SEMA4D: variants seen among roughly 807,000 people sequenced by gnomAD.
SEMA4D encodes the protein semaphorin-4D.
A neutral mutation model predicts 74.8 loss-of-function variants in SEMA4D; 22 were observed. The ratio of observed to expected loss-of-function variants is 0.29; its 90% confidence interval spans 0.21 to 0.42. SEMA4D has a LOEUF of 0.42. Ranked by LOEUF, SEMA4D falls within the 10% of genes least tolerant of loss-of-function variation. SEMA4D has a pLI of 1.00. For synonymous variants in SEMA4D, 445 were observed against 463.7 expected (o/e 0.96, Z 0.52); for missense variants, 937 against 1,118.4 (o/e 0.84, Z 2.31).
At chr9:89,438,833 T>G (rs75023792) in intron 2 of SEMA4D, among the ~76,000 whole-genome samples, 2 of 146,502 alleles carry the variant, frequency 1.4e-5, no homozygotes, top group Non-Finnish European at 3.0e-5. Flanking sequence ...GCCCGGCTAA[T>G]TTTTTGTATT....
rs1318526471 is a variant in SEMA4D at position 89,364,328 on chromosome 9, T to G, written c.1883-378A>C. ...GCCACACACATGTCCTGTGACCACATGGACAGAGACATCCCAAGGCTCTGC... is the reference window on the plus strand; with the variant it reads ...GCCACACACATGTCCTGTGACCACAGGGACAGAGACATCCCAAGGCTCTGC... On this transcript the variant is annotated intron_variant, in intron 16 of 18. Transcript: ENST00000339861. The G allele has an allele frequency of 1.2e-5, 4 of 336,978 alleles. No homozygotes were observed. In the East Asian group the frequency reaches 2.2e-4, roughly 18 times the overall value. 20.9% of individuals were successfully genotyped at this position (336,978 alleles called of 1,614,324 possible). A position where few individuals can be genotyped will look rare whatever the true frequency, so the allele number is the denominator to read the frequency against.
intron 9 of SEMA4D, among the ~76,000 whole-genome samples, chr9:89,390,126 C>A (rs1032582176): frequency 6.6e-6 from 1 of 152,220 alleles, no homozygotes; most frequent in Non-Finnish European, 1.5e-5. Context: ...ACCCTCAGTG[C>A]TGGGTAATAA....
chr9:89,450,163 C>G, intron 2 of SEMA4D: 2 of 1,260,390 alleles, frequency 1.6e-6, no homozygotes, highest in Non-Finnish European at 2.3e-6. Flanking sequence ...AAAACCATTA[C>G]CCAGATTCCC....
At chr9:89,417,833 C>A (rs1846048991) in intron 2 of SEMA4D, among the ~76,000 whole-genome samples, 2 of 152,196 alleles carry the variant, frequency 1.3e-5, no homozygotes, top group South Asian at 4.1e-4. Flanking sequence ...CTGGGACAAG[C>A]AGTGGCAGAG....
intron 11 of SEMA4D, among the ~76,000 whole-genome samples, chr9:89,388,081 T>C (rs1310708657): frequency 1.3e-5 from 2 of 152,168 alleles, no homozygotes; most frequent in African/African-American, 2.4e-5. Flanking sequence ...AAGCTATGCA[T>C]AGAAGGAGCC....
intron 2 of SEMA4D, among the ~76,000 whole-genome samples, chr9:89,413,957 G>A (rs1288298325): frequency 6.6e-6 from 1 of 152,242 alleles, no homozygotes; most frequent in Non-Finnish European, 1.5e-5. Context: ...CATACATTCT[G>A]ATCTAGTGTT....
intron 1 of SEMA4D, among the ~76,000 whole-genome samples, chr9:89,476,232 A>G (rs980785178): frequency 6.6e-6 from 1 of 152,090 alleles, no homozygotes; most frequent in Non-Finnish European, 1.5e-5. Flanking sequence ...CCTTCATACA[A>G]TACACCTTGA....
At chr9:89,496,461 T>C (rs886195727) in intron 1 of SEMA4D, among the ~76,000 whole-genome samples, 5 of 152,204 alleles carry the variant, frequency 3.3e-5, no homozygotes, top group African/African-American at 9.6e-5. Flanking sequence ...TTTCTTTGTT[T>C]GACTCGCTGA....
intron 1 of SEMA4D, among the ~76,000 whole-genome samples, chr9:89,470,397 T>C (rs1859865717): frequency 6.6e-6 from 1 of 152,244 alleles, no homozygotes; most frequent in African/African-American, 2.4e-5. Flanking sequence ...TTTACATCAT[T>C]AGCCACTAGG....
At chr9:89,458,928 CCCA>C (rs139204903) in intron 1 of SEMA4D, among the ~76,000 whole-genome samples, 68,571 of 151,686 alleles carry the variant, frequency 0.45, 16,617 homozygotes, top group Non-Finnish European at 0.54. Flanking sequence ...ACTGCACACA[CCCA>C]CATGTACTCA....
At chr9:89,417,842 A>AGCAAGAACAGAGACAGACAATCACTGTGG (rs1846051416) in intron 2 of SEMA4D, among the ~76,000 whole-genome samples, 2 of 152,210 alleles carry the variant, frequency 1.3e-5, no homozygotes, top group African/African-American at 4.8e-5. Context: ...GCAGTGGCAG[A>AGCAAGAACAGAGACAGACAATCACTGTGG]GCAAGAACAG....
intron 1 of SEMA4D, among the ~76,000 whole-genome samples, chr9:89,470,755 T>A (rs1369070890): frequency 6.6e-6 from 1 of 151,896 alleles, no homozygotes; most frequent in Non-Finnish European, 1.5e-5. Context: ...ACAGCTGGAA[T>A]GAGCCTCAAC....
In SEMA4D at chr9:89,461,125, G is replaced by GAAAAT. The variant is rs1564873105; in HGVS notation, c.-309-5173_-309-5172insATTTT. The stretch of plus-strand genomic sequence containing the variant: ...GAAAGAAAATGTGCATCTCACTGGA[G>GAAAAT]GTCAGAAAAATGCAGATTAAAGCAA... On this transcript the variant is annotated intron_variant, in intron 1 of 15. Coordinates refer to ENST00000422704, the MANE Select transcript of SEMA4D (RefSeq NM_001371194.2). Among the ~76,000 whole-genome samples, 722 of 152,102 alleles carry GAAAAT rather than the reference G, an allele frequency of 4.7e-3. 4 individuals are homozygous for GAAAAT. The highest frequency in any genetic ancestry group is 0.017 in the African/African-American group (690 of 41,482).
chr9:89,415,696 C>T (rs1183766773), intron 2 of SEMA4D, among the ~76,000 whole-genome samples: 6 of 152,148 alleles, frequency 3.9e-5, no homozygotes, highest in East Asian at 1.9e-4. Context: ...TCCCAGCCTC[C>T]GGAATGGATA....
At chr9:89,421,732 A>C (rs1004292610) in intron 2 of SEMA4D, among the ~76,000 whole-genome samples, 2 of 152,220 alleles carry the variant, frequency 1.3e-5, no homozygotes, top group Non-Finnish European at 2.9e-5. Flanking sequence ...AGTAAAAAGT[A>C]AGGTTCCCAA....
chr9:89,427,440 G>A (rs1335622028), intron 2 of SEMA4D, among the ~76,000 whole-genome samples: 2 of 152,108 alleles, frequency 1.3e-5, no homozygotes, highest in East Asian at 3.9e-4. Flanking sequence ...CGGGGCCTGG[G>A]GAGTAACCCC....
rs556242374 is a variant in SEMA4D, at chr9:89,468,125, T to C, written c.-309-12172A>G. Reference sequence around the variant, plus strand: ...TGATCACTGAGAAAACTCAGCGCCATAGGATGGCTCCAGGGATTGCACAGA... The same window carrying C: ...TGATCACTGAGAAAACTCAGCGCCACAGGATGGCTCCAGGGATTGCACAGA... On this transcript the variant is annotated intron_variant, in intron 1 of 15. Transcript: ENST00000422704. Among the ~76,000 whole-genome samples the C allele has an allele frequency of 3.9e-5, 6 of 152,306 alleles. No individual in the cohort carries two copies. In the South Asian group the frequency reaches 6.2e-4, roughly 16 times the overall value.
chr9:89,449,636 C>T, intron 2 of SEMA4D: 1 of 1,338,720 alleles, frequency 7.5e-7, no homozygotes, highest in South Asian at 1.2e-5. Context: ...GGGGGGGTGA[C>T]ATTGCCAATG....
chr9:89,394,668 C>T (rs1454542546), intron 6 of SEMA4D, among the ~76,000 whole-genome samples: 2 of 152,224 alleles, frequency 1.3e-5, no homozygotes, highest in African/African-American at 2.4e-5. Flanking sequence ...GGAAGCAGAG[C>T]AGGAAGGCTC....
Sources: gnomAD v4.1 joint callset for allele counts (sites outside exome capture counted in the v4.1 genomes callset) on GRCh38, gnomAD v4.1.1 for gene constraint, MANE v1.5 for transcripts, NCBI Gene and HGNC (gene_info 2026-07-23, HGNC 2026-07-21) for gene names.